Variants in TMEM232 observed in about 807,000 individuals in gnomAD.
TMEM232 encodes transmembrane protein 232.
In TMEM232, 80 loss-of-function variants were observed where a neutral mutation model predicts 78.8. The ratio of observed to expected loss-of-function variants is 1.01; its 90% confidence interval spans 0.85 to 1.22. The LOEUF (loss-of-function observed/expected upper bound fraction) is 1.22. Among genes scored for constraint, TMEM232 ranks in the 50% most tolerant of loss-of-function variants. TMEM232 has a pLI of 0.00. For missense variants in TMEM232, 881 were observed against 742.2 expected, an observed-to-expected ratio of 1.19 and a Z score of -2.17; for synonymous variants, 297 against 254.3, an observed-to-expected ratio of 1.17 and a Z score of -1.60.
chr5:110,569,500 G>C (rs1776697711), intron 10 of TMEM232, among the ~76,000 whole-genome samples: 1 of 151,796 alleles, frequency 6.6e-6, no homozygotes, highest in Admixed American at 6.6e-5. Flanking sequence ...ATGTGAAGCA[G>C]ATAAGAAGAA....
chr5:110,558,755 G>A (rs149582728), intron 11 of TMEM232, among the ~76,000 whole-genome samples: 113 of 152,208 alleles, frequency 7.4e-4, no homozygotes, highest in African/African-American at 2.7e-3. Context: ...ATCCACTGCC[G>A]AATCCCTTCC....
intron 12 of TMEM232, among the ~76,000 whole-genome samples, chr5:110,473,160 G>A (rs866653444): frequency 3.8e-4 from 57 of 151,456 alleles, no homozygotes; most frequent in Non-Finnish European, 2.7e-4. Context: ...ACAACCTGTC[G>A]AATGGGAGAA....
intron 1 of TMEM232, among the ~76,000 whole-genome samples, chr5:110,670,159 G>C (rs7444071): frequency 6.6e-6 from 1 of 152,116 alleles, no homozygotes; most frequent in Non-Finnish European, 1.5e-5. Context: ...AAGAAATAAA[G>C]GGTATTCAAT....
intron 7 of TMEM232, among the ~76,000 whole-genome samples, chr5:110,620,177 C>T (rs1403555852): frequency 1.3e-5 from 2 of 152,086 alleles, no homozygotes; most frequent in African/African-American, 2.4e-5. Flanking sequence ...GCCAATTTTA[C>T]ACATCGTGGA....
chr5:110,572,550 T>C (rs1208688861), intron 10 of TMEM232, among the ~76,000 whole-genome samples: 6 of 152,054 alleles, frequency 3.9e-5, no homozygotes, highest in African/African-American at 9.7e-5. Context: ...TTATTACTTA[T>C]TGAAGGTCAA....
At chr5:110,518,934 C>T (rs1401332115) in intron 12 of TMEM232, among the ~76,000 whole-genome samples, 1 of 148,136 alleles carries the variant, frequency 6.8e-6, no homozygotes, top group Non-Finnish European at 1.5e-5. Context: ...GAAGCTGGTG[C>T]ATTGAAAAAA....
At chr5:110,624,904 A>C (rs1784216316) in intron 7 of TMEM232, among the ~76,000 whole-genome samples, 1 of 152,110 alleles carries the variant, frequency 6.6e-6, no homozygotes, top group Non-Finnish European at 1.5e-5. Flanking sequence ...GTTAAGAAAA[A>C]CAAATTTTCT....
At chr5:110,721,401 T>A (rs1313779035) in intron 1 of TMEM232, among the ~76,000 whole-genome samples, 6 of 151,786 alleles carry the variant, frequency 4.0e-5, no homozygotes, top group Admixed American at 4.0e-4. Flanking sequence ...TAGAAATGCA[T>A]GGATGTGCTT....
intron 7 of TMEM232, among the ~76,000 whole-genome samples, chr5:110,624,807 C>T (rs555297017): frequency 2.0e-5 from 3 of 151,998 alleles, no homozygotes; most frequent in Non-Finnish European, 4.4e-5. Flanking sequence ...TAACACATAA[C>T]ATTATCTAAA....
At chr5:110,728,997 GC>G (rs1798420174), upstream of TMEM232, among the ~76,000 whole-genome samples, 1 of 151,968 alleles carries the variant, frequency 6.6e-6, no homozygotes, top group South Asian at 2.1e-4. Flanking sequence ...CGATTCTCCT[GC>G]CTCAGCCTCC....
At chr5:110,719,976 TC>T (rs1475887975) in intron 1 of TMEM232, among the ~76,000 whole-genome samples, 1 of 152,140 alleles carries the variant, frequency 6.6e-6, no homozygotes, top group African/African-American at 2.4e-5. Context: ...TTCTTACTTG[TC>T]CCTTGTTCTG....
chr5:110,513,538 A>T (rs934313526), intron 12 of TMEM232, among the ~76,000 whole-genome samples: 1 of 152,162 alleles, frequency 6.6e-6, no homozygotes, highest in Admixed American at 6.5e-5. Context: ...AACTGAATAG[A>T]CATTTTTCCA....
At chr5:110,396,254 C>A (rs1207268960) in intron 3 of TMEM232, among the ~76,000 whole-genome samples, 1 of 152,104 alleles carries the variant, frequency 6.6e-6, no homozygotes, top group Non-Finnish European at 1.5e-5. Context: ...GGGCAAACCA[C>A]CCTAATCACC....
chr5:110,728,317 A>G (rs187995768), upstream of TMEM232, among the ~76,000 whole-genome samples: 473 of 151,908 alleles, frequency 3.1e-3, 6 homozygotes, highest in Non-Finnish European at 3.0e-3. Context: ...CAGTAGAATG[A>G]AAGATTACAG....
downstream of TMEM232, among the ~76,000 whole-genome samples, chr5:110,416,112 T>C (rs1322278296): frequency 6.6e-6 from 1 of 152,208 alleles, no homozygotes; most frequent in African/African-American, 2.4e-5. Flanking sequence ...AATATATAAA[T>C]GTATTATAGA....
intron 1 of TMEM232, among the ~76,000 whole-genome samples, chr5:110,707,018 A>G (rs772050911): frequency 3.3e-5 from 5 of 152,200 alleles, no homozygotes; most frequent in Non-Finnish European, 2.9e-5. Flanking sequence ...CCTCCCTTGG[A>G]TGATATCAAC....
chr5:110,540,529 G>A (rs930422278), intron 11 of TMEM232, among the ~76,000 whole-genome samples: 4 of 152,172 alleles, frequency 2.6e-5, no homozygotes, highest in African/African-American at 9.7e-5. Context: ...CCTGCGAGCA[G>A]GTCATTGCAC....
At chr5:110,541,609 G>A (rs1489063782) in intron 11 of TMEM232, among the ~76,000 whole-genome samples, 1 of 152,106 alleles carries the variant, frequency 6.6e-6, no homozygotes, top group Non-Finnish European at 1.5e-5. Flanking sequence ...TCAATCCTCT[G>A]GAAAAGTAGA....
At chr5:110,579,247 GAAAACTGCAGTTTAAAA>G (rs1777901323) in intron 10 of TMEM232, among the ~76,000 whole-genome samples, 1 of 150,092 alleles carries the variant, frequency 6.7e-6, no homozygotes, top group Admixed American at 6.7e-5. Flanking sequence ...ACTATACCTG[GAAAACTGCAGTTTAAAA>G]AAAAAAAACC....
Sources: allele counts gnomAD v4.1 joint callset (sites outside exome capture counted in the v4.1 genomes callset), GRCh38; gene constraint gnomAD v4.1.1; transcripts MANE v1.5; gene names NCBI Gene and HGNC (gene_info 2026-07-23, HGNC 2026-07-21).